The following NARS2 variants were observed in gnomAD, a reference collection of about 807,000 sequenced individuals.
NARS2 encodes asparaginyl-tRNA synthetase 2, mitochondrial.
NARS2 carries 60 observed loss-of-function variants against 62.9 expected under a neutral mutation model. That is an observed-to-expected ratio of 0.95 (90% CI 0.77 to 1.18). NARS2 has a LOEUF of 1.18. Ranked by LOEUF, NARS2 falls within the 50% of genes most tolerant of loss-of-function variation. The pLI is 0.00. For missense variants in NARS2, 619 were observed against 576.4 expected, an observed-to-expected ratio of 1.07 and a Z score of -0.76; for synonymous variants, 196 against 200.0, an observed-to-expected ratio of 0.98 and a Z score of 0.17.
intron 6 of NARS2, among the ~76,000 whole-genome samples, chr11:78,502,575 C>T (rs761247667): frequency 1.3e-5 from 2 of 152,164 alleles, no homozygotes; most frequent in African/African-American, 4.8e-5. Context: ...AACTGCTTTA[C>T]GGGTATGGGC....
At chr11:78,513,691 T>C (rs1860801533) in intron 6 of NARS2, among the ~76,000 whole-genome samples, 1 of 152,064 alleles carries the variant, frequency 6.6e-6, no homozygotes, top group Admixed American at 6.6e-5. Flanking sequence ...GGCAGGAGAA[T>C]TGCTTGAACC....
chr11:78,462,970 A>G (rs1214329484), intron 11 of NARS2, among the ~76,000 whole-genome samples: 2 of 152,194 alleles, frequency 1.3e-5, no homozygotes, highest in East Asian at 1.9e-4. Context: ...TGTCTCATAG[A>G]CTTTTACAAC....
intron 6 of NARS2, among the ~76,000 whole-genome samples, chr11:78,525,768 T>C (rs1339523774): frequency 6.6e-6 from 1 of 152,208 alleles, no homozygotes; most frequent in South Asian, 2.1e-4. Flanking sequence ...GTATTTTCAG[T>C]AAAGAAACTT....
Position 78,441,000 on chromosome 11 carries a change from T to C in NARS2, c.1289+91A>G, listed in dbSNP as rs1227571004. ...TAAGTTCATTGTTTTTAACACTCTTTCATGGGGTCTTGGGGATACAAGTAA... is the reference window on the plus strand; with the variant it reads ...TAAGTTCATTGTTTTTAACACTCTTCCATGGGGTCTTGGGGATACAAGTAA... On this transcript the variant is annotated intron_variant, in intron 13 of 13. Coordinates refer to ENST00000281038, the MANE Select transcript of NARS2 (RefSeq NM_024678.6). 1.4e-5 allele frequency: 16 copies of C among 1,151,096 alleles called. No individual in the cohort carries two copies. In the East Asian group the frequency reaches 3.5e-4, roughly 25 times the overall value. The allele number at this position is 1,151,096 out of a possible 1,614,324, so 71.3% of individuals were successfully genotyped here. A position where few individuals can be genotyped will look rare whatever the true frequency, so the allele number is the denominator to read the frequency against.
chr11:78,566,368 A>T, intron 3 of NARS2, 96 bp from the exon 4 acceptor site: 1 of 947,976 alleles, frequency 1.1e-6, no homozygotes, highest in Non-Finnish European at 1.5e-6. Flanking sequence ...CTTTGGAACC[A>T]AACTAAGATC....
chr11:78,546,731 G>T (rs561485927), intron 5 of NARS2: 73 of 152,252 alleles, frequency 4.8e-4, no homozygotes, highest in African/African-American at 1.7e-3. Context: ...CTTTCTGAAA[G>T]GTACCTGGTA....
At chr11:78,463,086 TA>T (rs1858458635) in intron 11 of NARS2, among the ~76,000 whole-genome samples, 2 of 152,174 alleles carry the variant, frequency 1.3e-5, no homozygotes, top group African/African-American at 4.8e-5. Context: ...GTTTTTCACA[TA>T]GGGGGCTCCC....
At chr11:78,535,094 T>A (rs910588108) in intron 5 of NARS2, among the ~76,000 whole-genome samples, 1 of 152,232 alleles carries the variant, frequency 6.6e-6, no homozygotes, top group African/African-American at 2.4e-5. Flanking sequence ...CTGAACTTTT[T>A]AATAAGTAGA....
chr11:78,441,626 G>A (rs1857579027), intron 12 of NARS2, among the ~76,000 whole-genome samples: 1 of 151,874 alleles, frequency 6.6e-6, no homozygotes, highest in Admixed American at 6.6e-5. Context: ...TAGAAGGATT[G>A]CTTGAACCTA....
chr11:78,500,704 A>G (rs1860249084), intron 6 of NARS2, among the ~76,000 whole-genome samples: 1 of 152,162 alleles, frequency 6.6e-6, no homozygotes, highest in South Asian at 2.1e-4. Context: ...ACTTCAAATT[A>G]TTGTAGATCT....
chr11:78,550,541 G>A (rs1856059676), intron 5 of NARS2, among the ~76,000 whole-genome samples: 1 of 152,112 alleles, frequency 6.6e-6, no homozygotes, highest in African/African-American at 2.4e-5. Flanking sequence ...TTAGGAAAAT[G>A]CAAATCAAAG....
chr11:78,501,041 G>C (rs1266544120), intron 6 of NARS2, among the ~76,000 whole-genome samples: 1 of 152,146 alleles, frequency 6.6e-6, no homozygotes, highest in Non-Finnish European at 1.5e-5. Context: ...GCAGTGAGCT[G>C]TGATAATGTG....
intron 5 of NARS2, among the ~76,000 whole-genome samples, chr11:78,554,397 G>T (rs769977474): frequency 5.4e-4 from 82 of 152,112 alleles, no homozygotes; most frequent in Admixed American, 1.4e-3. Context: ...CATGAGCATG[G>T]GATATTTTTC....
intron 5 of NARS2, among the ~76,000 whole-genome samples, chr11:78,536,502 A>C (rs1855351091): frequency 1.3e-5 from 2 of 152,198 alleles, no homozygotes; most frequent in Non-Finnish European, 2.9e-5. Context: ...GGCCTAGGCT[A>C]ATGTATTTTT....
chr11:78,441,633 C>T (rs975747082), intron 12 of NARS2, among the ~76,000 whole-genome samples: 2 of 151,864 alleles, frequency 1.3e-5, no homozygotes, highest in African/African-American at 4.8e-5. Flanking sequence ...ATTGCTTGAA[C>T]CTAGGAGGCA....
intron 6 of NARS2, among the ~76,000 whole-genome samples, chr11:78,523,675 T>C (rs889948640): frequency 6.6e-6 from 1 of 152,170 alleles, no homozygotes; most frequent in Non-Finnish European, 1.5e-5. Flanking sequence ...TGGATGAACT[T>C]TGAAAACATT....
At chr11:78,547,635 T>A (rs778921548) in intron 5 of NARS2, among the ~76,000 whole-genome samples, 4 of 151,862 alleles carry the variant, frequency 2.6e-5, no homozygotes, top group Non-Finnish European at 4.4e-5. Flanking sequence ...GTCAGGAGTT[T>A]GAGATCAGCC....
chr11:78,502,515 T>C (rs1026575622), intron 6 of NARS2, among the ~76,000 whole-genome samples: 1 of 152,168 alleles, frequency 6.6e-6, no homozygotes, highest in Non-Finnish European at 1.5e-5. Context: ...GTTAGGACAA[T>C]ACAACATATG....
intron 11 of NARS2, among the ~76,000 whole-genome samples, chr11:78,447,966 G>T (rs1489226984): frequency 1.3e-5 from 2 of 152,092 alleles, no homozygotes; most frequent in Non-Finnish European, 1.5e-5. Context: ...CAGAAGAATA[G>T]ATTTTGAGAT....
Sources: allele counts gnomAD v4.1 joint callset (sites outside exome capture counted in the v4.1 genomes callset), GRCh38; gene constraint gnomAD v4.1.1; transcripts MANE v1.5; gene names NCBI Gene and HGNC (gene_info 2026-07-23, HGNC 2026-07-21).